Variants in TRPM3 observed in about 807,000 individuals in gnomAD.
The protein encoded by TRPM3 is transient receptor potential cation channel subfamily M member 3.
In TRPM3, 77 loss-of-function variants were observed where a neutral mutation model predicts 181.2. The observed-to-expected ratio is 0.42, with a 90% CI of 0.35 to 0.51. TRPM3 has a LOEUF of 0.51. TRPM3 is among the 20% of genes least tolerant of loss of function. The pLI is 0.01. For synonymous variants in TRPM3, 745 were observed against 796.4 expected (o/e 0.94, Z 1.09); for missense variants, 1,759 against 2,196.7 (o/e 0.80, Z 3.98).
intron 22 of TRPM3, among the ~76,000 whole-genome samples, chr9:70,559,834 C>G (rs1172110417): frequency 6.6e-6 from 1 of 152,124 alleles, no homozygotes; most frequent in Non-Finnish European, 1.5e-5. Flanking sequence ...CAAAAAGGGT[C>G]AGAATAGGAC....
At position 71,272,102 on chromosome 9, in the gene TRPM3, C is replaced by T. The variant is rs138371520; in HGVS notation, c.183+174551G>A. 3.7e-4 allele frequency among the ~76,000 whole-genome samples: 56 copies of T among 152,168 alleles called. No homozygotes were observed. In the East Asian group the frequency reaches 9.1e-3, roughly 25 times the overall value. On this transcript the variant is annotated intron_variant, in intron 1 of 24. Transcript: ENST00000357533. ...GAAAGGAATCTTGGCAAATAAACCCCGCAGGTAGTAAATATAAATTGAATT... is the reference window on the plus strand; with the variant it reads ...GAAAGGAATCTTGGCAAATAAACCCTGCAGGTAGTAAATATAAATTGAATT...
chr9:70,558,662 G>C (rs941586821), intron 22 of TRPM3, among the ~76,000 whole-genome samples: 1 of 152,170 alleles, frequency 6.6e-6, no homozygotes, highest in Non-Finnish European at 1.5e-5. Context: ...GATTAATGCA[G>C]CTGGGAAACT....
intron 1 of TRPM3, among the ~76,000 whole-genome samples, chr9:71,112,155 C>G (rs1489193947): frequency 2.0e-5 from 3 of 152,150 alleles, no homozygotes; most frequent in African/African-American, 7.2e-5. Flanking sequence ...GTGGCCCCAG[C>G]AAGTTTAACA....
chr9:71,396,321 CTTAA>C (rs1202849914), intron 1 of TRPM3, among the ~76,000 whole-genome samples: 4 of 150,828 alleles, frequency 2.7e-5, no homozygotes, highest in Admixed American at 1.3e-4. Context: ...AAAAAAAATC[CTTAA>C]TTAATGTGCA....
chr9:71,175,584 A>C (rs147922902), intron 1 of TRPM3, among the ~76,000 whole-genome samples: 2 of 152,304 alleles, frequency 1.3e-5, no homozygotes, highest in African/African-American at 2.4e-5. Context: ...TGTCAGAGGG[A>C]AAGATCCCCA....
chr9:70,992,981 G>C (rs976202622), intron 1 of TRPM3, among the ~76,000 whole-genome samples: 2 of 152,182 alleles, frequency 1.3e-5, no homozygotes, highest in Admixed American at 6.5e-5. Context: ...TCTAGGCAGA[G>C]AGAACAGAAA....
At chr9:70,612,870 G>C (rs1161763576) in intron 18 of TRPM3, among the ~76,000 whole-genome samples, 1 of 152,116 alleles carries the variant, frequency 6.6e-6, no homozygotes, top group Non-Finnish European at 1.5e-5. Context: ...GCTATTTGCG[G>C]ACACAATGAG....
intron 9 of TRPM3, among the ~76,000 whole-genome samples, chr9:70,654,987 G>A (rs1416702559): frequency 3.3e-5 from 5 of 150,828 alleles, no homozygotes; most frequent in Admixed American, 3.3e-4. Context: ...AGGTTTTACG[G>A]CACTTCTACC....
At chr9:71,286,461 CT>C (rs1168959183) in intron 1 of TRPM3, among the ~76,000 whole-genome samples, 2 of 152,094 alleles carry the variant, frequency 1.3e-5, no homozygotes, top group Non-Finnish European at 2.9e-5. Flanking sequence ...TACATTAATT[CT>C]TTAATACATC....
intron 8 of TRPM3, among the ~76,000 whole-genome samples, chr9:70,687,931 G>A (rs766745297): frequency 2.0e-5 from 3 of 152,162 alleles, no homozygotes; most frequent in Non-Finnish European, 4.4e-5. Flanking sequence ...CATAGAACCT[G>A]CCTTCTAGAA....
chr9:71,052,912 C>A (rs746660428), intron 1 of TRPM3, among the ~76,000 whole-genome samples: 1 of 151,870 alleles, frequency 6.6e-6, no homozygotes, highest in Non-Finnish European at 1.5e-5. Flanking sequence ...ACTGAAATGG[C>A]CACTGGAAGC....
intron 1 of TRPM3, among the ~76,000 whole-genome samples, chr9:71,421,035 A>AAAG (rs2093764132): frequency 8.0e-6 from 1 of 124,982 alleles, no homozygotes; most frequent in Admixed American, 8.1e-5. Flanking sequence ...GAAAAAGAAA[A>AAAG]AGAGAACGAA....
intron 9 of TRPM3, among the ~76,000 whole-genome samples, chr9:70,674,191 A>G (rs895959137): frequency 3.9e-5 from 6 of 152,206 alleles, no homozygotes; most frequent in Admixed American, 1.3e-4. Context: ...AGGCCATAAT[A>G]CATTCAATAA....
intron 1 of TRPM3, among the ~76,000 whole-genome samples, chr9:71,182,081 G>GC (rs1554841063): frequency 2.0e-5 from 3 of 151,880 alleles, no homozygotes; most frequent in African/African-American, 7.3e-5. Context: ...CAGATGTCTT[G>GC]TTTTTTTTAT....
chr9:70,740,302 C>T (rs374712070), intron 8 of TRPM3, among the ~76,000 whole-genome samples: 51 of 152,076 alleles, frequency 3.4e-4, no homozygotes, highest in African/African-American at 1.0e-3. Context: ...TACAAAACAC[C>T]GCTGAAAGAA....
intron 9 of TRPM3, among the ~76,000 whole-genome samples, chr9:70,674,384 T>C (rs372313600): frequency 2.6e-5 from 4 of 152,346 alleles, no homozygotes; most frequent in Middle Eastern, 3.4e-3. Flanking sequence ...AGTTACTAGT[T>C]AACTAGGATT....
chr9:71,200,917 T>C (rs944351686), intron 1 of TRPM3, among the ~76,000 whole-genome samples: 2 of 150,960 alleles, frequency 1.3e-5, no homozygotes, highest in Non-Finnish European at 3.0e-5. Context: ...CCTGTCATTA[T>C]GATGTTAGCT....
chr9:70,963,057 A>AAAGGAGAAT (rs1334583956), intron 1 of TRPM3, among the ~76,000 whole-genome samples: 6 of 152,206 alleles, frequency 3.9e-5, no homozygotes, highest in Non-Finnish European at 8.8e-5. Flanking sequence ...GGCACAGAGA[A>AAAGGAGAAT]AAGGAGAATT....
At chr9:70,745,396 T>C (rs1359953053) in intron 8 of TRPM3, among the ~76,000 whole-genome samples, 1 of 152,154 alleles carries the variant, frequency 6.6e-6, no homozygotes, top group Non-Finnish European at 1.5e-5. Context: ...TGACCCACTG[T>C]ATGTTGAAAA....
Sources: allele counts gnomAD v4.1 joint callset (sites outside exome capture counted in the v4.1 genomes callset), GRCh38; gene constraint gnomAD v4.1.1; transcripts MANE v1.5; gene names NCBI Gene and HGNC (gene_info 2026-07-23, HGNC 2026-07-21).